Variants in DTWD2 observed in about 807,000 individuals in gnomAD.
DTWD2 encodes the protein tRNA-uridine aminocarboxypropyltransferase 2.
Under a neutral mutation model 31.8 loss-of-function variants are expected in DTWD2, and 39 were observed. The observed-to-expected ratio is 1.22, with a 90% CI of 0.95 to 1.60. DTWD2 has a LOEUF of 1.60. Ranked by LOEUF, DTWD2 falls within the 40% of genes most tolerant of loss-of-function variation. DTWD2 has a pLI of 0.00. For synonymous variants in DTWD2, 180 were observed against 142.8 expected, an observed-to-expected ratio of 1.26 and a Z score of -1.86; for missense variants, 515 against 381.5, an observed-to-expected ratio of 1.35 and a Z score of -2.92.
rs529220015 is a variant in DTWD2, at chr5:118,950,071, A to G, written c.219-5422T>C. 4.6e-5 allele frequency among the ~76,000 whole-genome samples: 7 copies of G among 152,096 alleles called. No individual in the cohort carries two copies. In the South Asian group the frequency reaches 1.0e-3, roughly 23 times the overall value. ...TAAAAATACAAAAAATTAGCTGGGC[A>G]TGGTGGCGGACGCCTGTCATCCCAG... is the stretch of plus-strand genomic sequence containing the variant. On this transcript the variant is annotated intron_variant, in intron 1 of 5. Coordinates refer to ENST00000510708, the MANE Select transcript of DTWD2 (RefSeq NM_173666.4).
intron 1 of DTWD2, among the ~76,000 whole-genome samples, chr5:118,970,128 T>A (rs971842377): frequency 2.6e-5 from 4 of 152,042 alleles, no homozygotes; most frequent in East Asian, 1.9e-4. Context: ...AAGACAAGAA[T>A]AGAGAAAAAA....
intron 5 of DTWD2, among the ~76,000 whole-genome samples, chr5:118,847,749 A>G (rs1751892611): frequency 6.6e-6 from 1 of 152,176 alleles, no homozygotes; most frequent in Admixed American, 6.5e-5. Flanking sequence ...GAAAAGGCTG[A>G]GCACAAGAGA....
At position 118,912,889 on chromosome 5, in the gene DTWD2, T is replaced by C. The variant is rs142638590; in HGVS notation, c.597+15648A>G. Among the ~76,000 whole-genome samples the C allele has an allele frequency of 3.2e-4, 49 of 152,284 alleles. 1 individual carries two copies. The East Asian group carries it at 8.3e-3, about 26-fold the overall frequency. ...TAATCAGTGAATTAATGGATCTATA[T>C]TGAAAACAAGAAAAGTCCTAAACAC... On this transcript the variant is annotated intron_variant, in intron 4 of 5. Transcript: ENST00000510708.
intron 4 of DTWD2, among the ~76,000 whole-genome samples, chr5:118,871,547 A>T (rs1488383111): frequency 6.6e-6 from 1 of 152,244 alleles, no homozygotes; most frequent in African/African-American, 2.4e-5. Flanking sequence ...AGTGAAAATA[A>T]CGTGAATCTC....
At chr5:118,871,848 G>T (rs796763716) in intron 4 of DTWD2, among the ~76,000 whole-genome samples, 3 of 152,264 alleles carry the variant, frequency 2.0e-5, no homozygotes, top group African/African-American at 7.2e-5. Flanking sequence ...ATATTTTGAA[G>T]CTCTGAAACC....
At chr5:118,848,679 T>C (rs1385215499) in intron 4 of DTWD2, among the ~76,000 whole-genome samples, 1 of 152,112 alleles carries the variant, frequency 6.6e-6, no homozygotes. Context: ...AAAACAGATA[T>C]ATAAACCAAT....
At chr5:118,954,290 A>G (rs958304683) in intron 1 of DTWD2, among the ~76,000 whole-genome samples, 2 of 152,016 alleles carry the variant, frequency 1.3e-5, no homozygotes, top group Non-Finnish European at 2.9e-5. Context: ...CAATCAATCA[A>G]TCAAATCATC....
chr5:118,846,368 G>T (rs188779940), intron 5 of DTWD2, among the ~76,000 whole-genome samples: 18 of 152,128 alleles, frequency 1.2e-4, no homozygotes, highest in African/African-American at 4.1e-4. Context: ...AACATTAAAG[G>T]TTATATTTAG....
rs564384030 is a variant in DTWD2, at chr5:118,852,564, T to C, written c.598-4346A>G. 1.3e-4 allele frequency among the ~76,000 whole-genome samples: 20 copies of C among 152,166 alleles called. 1 individual carries two copies. Among genetic ancestry groups the C allele is most frequent in the African/African-American group, 3.1e-4 (13 of 41,550 alleles). On this transcript the variant is annotated intron_variant, in intron 4 of 5. Coordinates refer to ENST00000510708, the MANE Select transcript of DTWD2 (RefSeq NM_173666.4). Reference sequence around the variant, plus strand: ...GGGCTATTATTAAAAAGTCAAAAAATAGCAGATGCTAGGAAGAGGTTATGG... The same window carrying C: ...GGGCTATTATTAAAAAGTCAAAAAACAGCAGATGCTAGGAAGAGGTTATGG...
chr5:118,969,760 C>G (rs1180693183), intron 1 of DTWD2, among the ~76,000 whole-genome samples: 1 of 152,092 alleles, frequency 6.6e-6, no homozygotes, highest in African/African-American at 2.4e-5. Flanking sequence ...GCTGAAAACT[C>G]AAAAATCCAG....
At chr5:118,977,410 G>C (rs1220113867) in intron 1 of DTWD2, among the ~76,000 whole-genome samples, 1 of 152,180 alleles carries the variant, frequency 6.6e-6, no homozygotes, top group African/African-American at 2.4e-5. Context: ...TCTGTTTGCA[G>C]ATGACATGAT....
At chr5:118,974,903 T>A (rs890662939) in intron 1 of DTWD2, among the ~76,000 whole-genome samples, 1 of 152,374 alleles carries the variant, frequency 6.6e-6, no homozygotes, top group Admixed American at 6.5e-5. Flanking sequence ...GCTGTTAGTC[T>A]GATAGGCTTC....
At chr5:118,897,494 T>G (rs1310283246) in intron 4 of DTWD2, among the ~76,000 whole-genome samples, 3 of 152,194 alleles carry the variant, frequency 2.0e-5, no homozygotes, top group Non-Finnish European at 4.4e-5. Context: ...CTCCTATCAC[T>G]TAGGAAAAGC....
intron 1 of DTWD2, 97 bp downstream of exon 1, chr5:118,988,197 A>C: frequency 6.9e-7 from 1 of 1,453,068 alleles, no homozygotes; most frequent in Non-Finnish European, 9.3e-7. Flanking sequence ...CCCTAATCGC[A>C]GAGCTGCCCG....
At chr5:118,983,432 T>C (rs1470456633) in intron 1 of DTWD2, among the ~76,000 whole-genome samples, 1 of 152,150 alleles carries the variant, frequency 6.6e-6, no homozygotes, top group Non-Finnish European at 1.5e-5. Context: ...AAGCAAAACA[T>C]CTGTAGAGTG....
chr5:118,940,424 A>C (rs1754153340), intron 2 of DTWD2, among the ~76,000 whole-genome samples: 2 of 152,210 alleles, frequency 1.3e-5, no homozygotes, highest in South Asian at 4.1e-4. Flanking sequence ...ATAAGATTTA[A>C]AATGCCACAG....
rs1259395694 is a variant in DTWD2 at position 118,839,143 on chromosome 5, C to G, written c.*1774G>C. The G allele has an allele frequency of 6.6e-6, 1 of 151,082 alleles. No individual in the cohort carries two copies. Among genetic ancestry groups the G allele is most frequent in the East Asian group, 1.9e-4 (1 of 5,174 alleles). 9.4% of individuals were successfully genotyped at this position (151,082 alleles called of 1,614,324 possible). A position where few individuals can be genotyped will look rare whatever the true frequency, so the allele number is the denominator to read the frequency against. On this transcript the variant is annotated 3_prime_UTR_variant, in exon 6 of 6. Transcript: ENST00000510708. ...CGCCACTGCACTCCAGCCTGGGCGACAGAGCGAGATTCCATCTCAAATAAT... is the reference window on the plus strand; with the variant it reads ...CGCCACTGCACTCCAGCCTGGGCGAGAGAGCGAGATTCCATCTCAAATAAT...
chr5:118,847,177 T>G (rs923569934), intron 5 of DTWD2, among the ~76,000 whole-genome samples: 6 of 152,094 alleles, frequency 3.9e-5, no homozygotes, highest in African/African-American at 1.4e-4. Context: ...CATCTATTAT[T>G]GAAATTTCCT....
rs1215121218 is a variant in DTWD2 at position 118,840,710 on chromosome 5, A to C, written c.*207T>G. 7 of 448,744 alleles carry C rather than the reference A, an allele frequency of 1.6e-5. No individual in the cohort carries two copies. Among genetic ancestry groups the C allele is most frequent in the South Asian group, 9.5e-5 (2 of 21,088 alleles). The allele number at this position is 448,744 out of a possible 1,614,324, so 27.8% of individuals were successfully genotyped here. On this transcript the variant is annotated 3_prime_UTR_variant, in exon 6 of 6. Transcript: ENST00000510708. ...GAGGCACATTTTTAAAAACAAGTAC[A>C]GTAGGAAATCCTGCTTTTCAGTGAG...
Sources: gnomAD v4.1 joint callset for allele counts (sites outside exome capture counted in the v4.1 genomes callset) on GRCh38, gnomAD v4.1.1 for gene constraint, MANE v1.5 for transcripts, NCBI Gene and HGNC (gene_info 2026-07-23, HGNC 2026-07-21) for gene names.